DISC1: variants seen among roughly 807,000 people sequenced by gnomAD.
The protein encoded by DISC1 is DISC1 scaffold protein, also known as disrupted in schizophrenia 1 protein.
A neutral mutation model predicts 84.5 loss-of-function variants in DISC1; 57 were observed. The ratio of observed to expected loss-of-function variants is 0.67; its 90% CI spans 0.55 to 0.84. The LOEUF is 0.84. Among genes scored for constraint, DISC1 ranks in the 40% least tolerant of loss-of-function variants. The pLI is 0.00. For synonymous variants in DISC1, 411 were observed against 415.2 expected (o/e 0.99, Z 0.12); for missense variants, 1,000 against 1,057.8 (o/e 0.95, Z 0.76).
intron 8 of DISC1, among the ~76,000 whole-genome samples, chr1:231,802,715 G>A (rs1434773716): frequency 6.6e-6 from 1 of 152,120 alleles, no homozygotes; most frequent in Non-Finnish European, 1.5e-5. Flanking sequence ...GCATTGACAG[G>A]AGGTCAGTGG....
At chr1:231,975,241 G>T (rs1228726909) in intron 10 of DISC1, among the ~76,000 whole-genome samples, 1 of 152,120 alleles carries the variant, frequency 6.6e-6, no homozygotes, top group Non-Finnish European at 1.5e-5. Context: ...AATCATCAGA[G>T]AAATGCACAT....
In DISC1 at chr1:231,750,792, A is replaced by T. The variant is rs191410768; in HGVS notation, c.1268+716A>T. ...TCCCTAGGTAAAGGTCTGAGAGGGA[A>T]CAGGTGTTTTATGAATGCTATGAGC... On this transcript the variant is annotated intron_variant, in intron 4 of 12. Transcript: ENST00000439617. Among the ~76,000 whole-genome samples, 294 of 152,250 alleles carry T rather than the reference A, an allele frequency of 1.9e-3. 1 individual carries two copies. Among genetic ancestry groups the T allele is most frequent in the Non-Finnish European group, 3.3e-3 (222 of 68,018 alleles).
At chr1:231,727,375 C>T (rs564771825) in intron 3 of DISC1, among the ~76,000 whole-genome samples, 9 of 152,244 alleles carry the variant, frequency 5.9e-5, no homozygotes, top group African/African-American at 2.2e-4. Flanking sequence ...ACCACTGATG[C>T]CTGGGGCCCT....
At chr1:231,926,858 T>A (rs1335334832) in intron 9 of DISC1, among the ~76,000 whole-genome samples, 1 of 152,206 alleles carries the variant, frequency 6.6e-6, no homozygotes, top group Non-Finnish European at 1.5e-5. Flanking sequence ...CTTTGTGACC[T>A]CCTTTAAGGA....
chr1:231,891,852 C>T (rs942183627), intron 9 of DISC1, among the ~76,000 whole-genome samples: 2 of 152,160 alleles, frequency 1.3e-5, no homozygotes, highest in Admixed American at 6.5e-5. Context: ...TGGACAGATT[C>T]CATGTTTGAG....
At chr1:231,978,083 T>C (rs1283033850) in intron 10 of DISC1, among the ~76,000 whole-genome samples, 1 of 152,194 alleles carries the variant, frequency 6.6e-6, no homozygotes, top group Non-Finnish European at 1.5e-5. Context: ...GTTTTTTTTT[T>C]CCTGTATTTT....
At chr1:231,628,733 G>T (rs2058463029) in intron 1 of DISC1, among the ~76,000 whole-genome samples, 1 of 152,138 alleles carries the variant, frequency 6.6e-6, no homozygotes, top group Admixed American at 6.5e-5. Flanking sequence ...ACCTATATTA[G>T]AATTTAGGTA....
chr1:231,864,944 C>A (rs1284052004), intron 9 of DISC1, among the ~76,000 whole-genome samples: 8 of 152,148 alleles, frequency 5.3e-5, no homozygotes, highest in African/African-American at 1.9e-4. Context: ...ATTAAATCTC[C>A]TTTGAAAGTT....
intron 9 of DISC1, among the ~76,000 whole-genome samples, chr1:231,859,135 G>A (rs1473648761): frequency 1.3e-5 from 2 of 152,110 alleles, no homozygotes; most frequent in Admixed American, 6.6e-5. Context: ...CTAGTTTCCT[G>A]TATAATCCCC....
At chr1:231,956,366 T>C (rs1313646026) in intron 9 of DISC1, among the ~76,000 whole-genome samples, 2 of 152,268 alleles carry the variant, frequency 1.3e-5, no homozygotes, top group East Asian at 3.9e-4. Flanking sequence ...TGTCTTTTGT[T>C]ATAGGGGTGT....
chr1:231,864,240 C>CA, intron 9 of DISC1, among the ~76,000 whole-genome samples: 1 of 152,126 alleles, frequency 6.6e-6, no homozygotes, highest in East Asian at 1.9e-4. Flanking sequence ...TAGAAGTTTT[C>CA]ATTTTTTTTT....
At chr1:231,905,728 C>G (rs752005877) in intron 9 of DISC1, among the ~76,000 whole-genome samples, 1 of 151,816 alleles carries the variant, frequency 6.6e-6, no homozygotes, top group Non-Finnish European at 1.5e-5. Context: ...CATGGGGGAC[C>G]CTTTTGTTGT....
At chr1:231,812,900 G>A (rs967244) in intron 8 of DISC1, among the ~76,000 whole-genome samples, 123,833 of 152,166 alleles carry the variant, frequency 0.81, 50,411 homozygotes, top group Admixed American at 0.82. Context: ...ATAAAGTATT[G>A]ATCAAGGGCA....
intron 1 of DISC1, among the ~76,000 whole-genome samples, chr1:231,659,048 C>A (rs1094653): frequency 0.46 from 70,349 of 151,804 alleles, 16,895 homozygotes; most frequent in East Asian, 0.82. Context: ...TAATTTCAGT[C>A]AAAATGATAC....
intron 10 of DISC1, among the ~76,000 whole-genome samples, chr1:231,960,528 G>A (rs780734775): frequency 1.6e-4 from 24 of 152,196 alleles, no homozygotes; most frequent in Non-Finnish European, 2.8e-4. Flanking sequence ...CTGGGATTAC[G>A]GGTGTGCACC....
chr1:231,747,473 T>C (rs1048093863), intron 3 of DISC1, among the ~76,000 whole-genome samples: 2 of 152,242 alleles, frequency 1.3e-5, no homozygotes, highest in Admixed American at 1.3e-4. Flanking sequence ...CTTCTGCATA[T>C]GGATATACAG....
intron 9 of DISC1, among the ~76,000 whole-genome samples, chr1:231,831,219 G>C (rs1330441654): frequency 1.3e-5 from 2 of 152,176 alleles, no homozygotes; most frequent in Non-Finnish European, 2.9e-5. Flanking sequence ...GAGGAGGCCT[G>C]AACAATCCCC....
chr1:231,791,554 C>A (rs1223142972), intron 6 of DISC1, among the ~76,000 whole-genome samples: 1 of 152,100 alleles, frequency 6.6e-6, no homozygotes, highest in African/African-American at 2.4e-5. Context: ...ATGTTGGATT[C>A]TATTATTTCC....
chr1:231,830,499 A>C (rs1383483911), intron 9 of DISC1, among the ~76,000 whole-genome samples: 1 of 152,256 alleles, frequency 6.6e-6, no homozygotes, highest in Non-Finnish European at 1.5e-5. Context: ...TTCAAAAGTT[A>C]AGAGCGGCAG....
Sources: allele counts gnomAD v4.1 joint callset (sites outside exome capture counted in the v4.1 genomes callset), GRCh38; gene constraint gnomAD v4.1.1; transcripts MANE v1.5; gene names NCBI Gene and HGNC (gene_info 2026-07-23, HGNC 2026-07-21).